BIK: variants seen among roughly 807,000 people sequenced by gnomAD.
BIK encodes bcl-2-interacting killer.
A neutral mutation model predicts 12.1 loss-of-function variants in BIK; 14 were observed. That is an observed-to-expected ratio of 1.16 (90% CI 0.77 to 1.81). BIK has a LOEUF of 1.81. Ranked by LOEUF, BIK falls within the 40% of genes most tolerant of loss-of-function variation. The pLI is 0.00. For missense variants in BIK, 215 were observed against 207.9 expected (o/e 1.03, Z -0.21); for synonymous variants, 86 against 92.3 (o/e 0.93, Z 0.39).
At chr22:43,125,203 G>A (rs1930290610) in intron 2 of BIK, among the ~76,000 whole-genome samples, 2 of 152,166 alleles carry the variant, frequency 1.3e-5, no homozygotes, top group African/African-American at 4.8e-5. Context: ...TGGCTTTGGT[G>A]GGCTTTGGCT....
intron 1 of BIK, among the ~76,000 whole-genome samples, chr22:43,120,333 G>T (rs915697004): frequency 2.0e-5 from 3 of 152,340 alleles, no homozygotes; most frequent in African/African-American, 7.2e-5. Flanking sequence ...GATTATAGGC[G>T]AGCGCCACCA....
chr22:43,123,921 G>A (rs2147023774), intron 1 of BIK, 95 bp from the exon 2 acceptor site: 2 of 1,344,176 alleles, frequency 1.5e-6, no homozygotes, highest in East Asian at 2.3e-5. Flanking sequence ...AAGAGCTGGT[G>A]AGTAGGGCTA....
intron 1 of BIK, among the ~76,000 whole-genome samples, chr22:43,114,767 G>C (rs1398971594): frequency 6.6e-6 from 1 of 152,206 alleles, no homozygotes; most frequent in Non-Finnish European, 1.5e-5. Context: ...GGTCAGCACG[G>C]GTGTGCGCCT....
At chr22:43,123,819 G>C (rs1180934591) in intron 1 of BIK, among the ~76,000 whole-genome samples, 197 bp from the exon 2 acceptor site, 4 of 152,146 alleles carry the variant, frequency 2.6e-5, no homozygotes, top group Non-Finnish European at 5.9e-5. Flanking sequence ...GAGATGCTAG[G>C]CGACTTGCCC....
In BIK at chr22:43,128,569, A is replaced by C. The variant is rs770229284; in HGVS notation, c.334A>C (p.Thr112Pro). ...DVLRSFMDGF[T>P]TLKENIMRFW... is the part of the protein sequence containing the mutation. ...TCTTAGAAGTTTCATGGACGGTTTC[A>C]CCACACTTAAGGAGAACATAATGAG... Residue 112 changes from threonine (T) to proline (P), a missense_variant, in exon 4 of 5, where the codon ACC becomes CCC. Coordinates refer to ENST00000216115, the MANE Select transcript of BIK (RefSeq NM_001197.5). The C allele has an allele frequency of 1.2e-6, 2 of 1,614,006 alleles. No individual in the cohort carries two copies. The highest frequency in any genetic ancestry group is 2.2e-5 in the South Asian group (2 of 91,080).
rs1339700857 is a variant in BIK at position 43,127,748 on chromosome 22, C to G, written c.213C>G (p.Ser71Arg). 3.9e-6 allele frequency: 6 copies of G among 1,553,350 alleles called. No homozygotes were observed. In the East Asian group the frequency reaches 1.5e-4, roughly 38 times the overall value. ...GCATCGGGGACGAGATGGACGTGAG[C>G]CTCAGGGCCCCGCGCCTGGCCCAGC... Reference protein sequence around the residue: ...LACIGDEMDVSLRAPRLAQLS... With the variant: ...LACIGDEMDVRLRAPRLAQLS... The change falls in exon 3 of 5, where the codon AGC becomes AGG. Residue 71 changes from serine to arginine, a missense_variant. Physicochemically the swap from Ser to Arg is moderately radical, Grantham distance 110. Transcript: ENST00000216115.
intron 3 of BIK, 124 bp downstream of exon 3, chr22:43,127,919 G>T: frequency 2.8e-6 from 2 of 722,722 alleles, no homozygotes; most frequent in Non-Finnish European, 4.3e-6. Flanking sequence ...CTTGACACTG[G>T]GGCTATACTG....
chr22:43,117,660 G>A (rs577682266), intron 1 of BIK, among the ~76,000 whole-genome samples: 11 of 151,534 alleles, frequency 7.3e-5, no homozygotes, highest in South Asian at 2.1e-4. Flanking sequence ...GTGAGCCACC[G>A]CGCCCGGCCC....
In BIK at chr22:43,128,490, C is replaced by G. The variant is rs905247309; in HGVS notation, c.261-6C>G. The G allele has an allele frequency of 1.4e-5, 23 of 1,613,248 alleles. No homozygotes were observed. The highest frequency in any genetic ancestry group is 1.7e-5 in the Non-Finnish European group (20 of 1,179,246). On this transcript the variant is annotated splice_polypyrimidine_tract_variant and splice_region_variant and intron_variant, in intron 3 of 4. Transcript: ENST00000216115. The stretch of plus-strand genomic sequence containing the variant: ...GGCTTTGTCCCCCCATCCTCTTTGT[C>G]TATAGCCTGGGTCTGGCTTTCATCT...
rs376630497 is a variant in BIK, at chr22:43,126,758, G to A, written c.162-939G>A. On this transcript the variant is annotated intron_variant, in intron 2 of 4. Coordinates refer to ENST00000216115, the MANE Select transcript of BIK (RefSeq NM_001197.5). ...AAGGATTTTAGAACTGGAGGCACCT[G>A]TCCATTAATGGACAAGGTTGGAGGA... Among the ~76,000 whole-genome samples, 7 of 152,170 alleles carry A rather than the reference G, an allele frequency of 4.6e-5. No individual in the cohort carries two copies. The East Asian group carries it at 1.4e-3, about 29-fold the overall frequency.
intron 2 of BIK, among the ~76,000 whole-genome samples, chr22:43,126,381 TTCA>T (rs1381326997): frequency 6.6e-6 from 1 of 152,020 alleles, no homozygotes; most frequent in Non-Finnish European, 1.5e-5. Context: ...GAGACAGGGT[TTCA>T]TCATGTTAGC....
intron 1 of BIK, 115 bp from the exon 2 acceptor site, chr22:43,123,901 A>T: frequency 1.8e-6 from 2 of 1,121,790 alleles, no homozygotes; most frequent in Non-Finnish European, 2.5e-6. Flanking sequence ...TGACGGCTTT[A>T]GCGGATCAAA....
In BIK at chr22:43,129,352, G is replaced by C. The variant is rs1569468949; in HGVS notation, c.*47G>C. 6.4e-7 allele frequency: 1 copy of C among 1,562,224 alleles called. No homozygotes were observed. The highest frequency in any genetic ancestry group is 1.1e-5 in the South Asian group (1 of 87,268). ...GGCTGGCCCCACCCCCATGACCACT[G>C]CCCTGGAGGTGGCGGCCTGCTGCTG... On this transcript the variant is annotated 3_prime_UTR_variant, in exon 5 of 5. Transcript: ENST00000216115.
intron 2 of BIK, among the ~76,000 whole-genome samples, chr22:43,126,436 C>T (rs189411259): frequency 2.0e-3 from 308 of 152,192 alleles, no homozygotes; most frequent in African/African-American, 6.8e-3. Context: ...CTGCCTGCCT[C>T]GGCCTCCCAA....
chr22:43,129,438 G>C lies in BIK; in HGVS notation c.*133G>C. On this transcript the variant is annotated 3_prime_UTR_variant, in exon 5 of 5. Transcript: ENST00000216115. ...ATATTTAAACCCCGAGATAGTGCTG[G>C]AACACTGCTGAGGTTTTATACTCAG... 7.3e-7 allele frequency: 1 copy of C among 1,366,102 alleles called. No individual in the cohort carries two copies. The highest frequency in any genetic ancestry group is 2.9e-5 in the Admixed American group (1 of 34,738). 84.6% of individuals were successfully genotyped at this position (1,366,102 alleles called of 1,614,324 possible). A position where few individuals can be genotyped will look rare whatever the true frequency, so the allele number is the denominator to read the frequency against.
At chr22:43,126,660 G>C (rs528278015) in intron 2 of BIK, among the ~76,000 whole-genome samples, 1 of 152,242 alleles carries the variant, frequency 6.6e-6, no homozygotes, top group African/African-American at 2.4e-5. Flanking sequence ...ACAGGCCAGG[G>C]ACCAGCTCCA....
At position 43,129,573 on chromosome 22, in the gene BIK, ACTCCTG is replaced by A. The variant is rs201624912; in HGVS notation, c.*270_*275del. On this transcript the variant is annotated 3_prime_UTR_variant, in exon 5 of 5. Coordinates refer to ENST00000216115, the MANE Select transcript of BIK (RefSeq NM_001197.5). ...GGCCTGTGCCCAGGAAGAGCCATTC[ACTCCTG>A]CCCCTGCCCACACGGCAGGTAGCAG... is the stretch of plus-strand genomic sequence containing the variant. The A allele has an allele frequency of 1.5e-3, 820 of 546,186 alleles. 7 individuals carry two copies. Among genetic ancestry groups the A allele is most frequent in the African/African-American group, 0.015 (749 of 50,822 alleles). The allele number at this position is 546,186 out of a possible 1,614,324, so 33.8% of individuals were successfully genotyped here.
At position 43,124,006 on chromosome 22, in the gene BIK, T is replaced by C. The variant is rs1189659694; in HGVS notation, c.-7-10T>C. On this transcript the variant is annotated splice_polypyrimidine_tract_variant and intron_variant, in intron 1 of 4. Transcript: ENST00000216115. ...TAGGGGTCCAGTCATATGCTGTCTTTTTGCCCCAGAGGAGAAATGTCTGAA... is the reference window on the plus strand; with the variant it reads ...TAGGGGTCCAGTCATATGCTGTCTTCTTGCCCCAGAGGAGAAATGTCTGAA... The C allele has an allele frequency of 4.3e-6, 7 of 1,613,636 alleles. No homozygotes were observed. The African/African-American group carries it at 9.4e-5, about 22-fold the overall frequency.
At chr22:43,127,585 T>C (rs989675302) in intron 2 of BIK, 112 bp from the exon 3 acceptor site, 3 of 940,466 alleles carry the variant, frequency 3.2e-6, no homozygotes, top group Non-Finnish European at 4.8e-6. Flanking sequence ...TGACACCATC[T>C]CTTATCCTCT....
Sources: allele counts gnomAD v4.1 joint callset (sites outside exome capture counted in the v4.1 genomes callset), GRCh38; gene constraint gnomAD v4.1.1; transcripts MANE v1.5; gene names NCBI Gene and HGNC (gene_info 2026-07-23, HGNC 2026-07-21).